LCE3D: variants seen among roughly 807,000 people sequenced by gnomAD.
LCE3D encodes the protein late cornified envelope protein 3D.
For synonymous variants in LCE3D, 46 were observed against 47.3 expected, an observed-to-expected ratio of 0.97 and a Z score of 0.11; for missense variants, 124 against 121.1, an observed-to-expected ratio of 1.02 and a Z score of -0.11.
chr1:152,579,747 G>C lies in LCE3D; in HGVS notation c.190C>G (p.Arg64Gly). ...LNHHRRHHRC[R>G]RQRPNSCDRG... ...TCACAGGAGTTGGGCCTCTGGCGCC[G>C]GCATCGGTGGTGGCGCCTGTGGTGG... The change falls in exon 2 of 2, where the codon CGG becomes GGG. Residue 64 changes from arginine (R) to glycine (G), a missense_variant. Transcript: ENST00000368787. 1 of 1,613,830 alleles carries C rather than the reference G, an allele frequency of 6.2e-7. No homozygotes were observed. Among genetic ancestry groups the C allele is most frequent in the Non-Finnish European group, 8.5e-7 (1 of 1,180,014 alleles).
At position 152,579,562 on chromosome 1, in the gene LCE3D, G is replaced by A; in HGVS notation, c.*96C>T. The stretch of plus-strand genomic sequence containing the variant: ...AGCTCAGCCTGTGAAAGCCAGAAGA[G>A]GGTATCTGGGAACTCATGCATCAAG... On this transcript the variant is annotated 3_prime_UTR_variant, in exon 2 of 2. Coordinates refer to ENST00000368787, the MANE Select transcript of LCE3D (RefSeq NM_032563.2). 3 of 1,566,352 alleles carry A rather than the reference G, an allele frequency of 1.9e-6. 1 individual carries two copies. In the South Asian group the frequency reaches 3.5e-5, roughly 18 times the overall value.
At position 152,579,670 on chromosome 1, in the gene LCE3D, T is replaced by A; in HGVS notation, c.267A>T (p.Gly89=). The A allele has an allele frequency of 6.2e-7, 1 of 1,613,770 alleles. No individual in the cohort carries two copies. The highest frequency in any genetic ancestry group is 8.5e-7 in the Non-Finnish European group (1 of 1,179,982). ...ATCAGGATCCAGGTCAGCAGCAGCC[T>A]CCAGAGCCATGGCCGCAGCCAGAGC... ...GGGSGCGHGS[G]GCC The change falls in exon 2 of 2, where the codon GGA becomes GGT. Residue 89 remains glycine (G), a synonymous_variant. Transcript: ENST00000368787.
Position 152,579,533 on chromosome 1 carries a change from C to T in LCE3D, c.*125G>A. ...GAGCTCAGACCTTCCACAGGAAAAC[C>T]CCTAGCTCAGCCTGTGAAAGCCAGA... On this transcript the variant is annotated 3_prime_UTR_variant, in exon 2 of 2. Coordinates refer to ENST00000368787, the MANE Select transcript of LCE3D (RefSeq NM_032563.2). 1 of 1,483,342 alleles carries T rather than the reference C, an allele frequency of 6.7e-7. No individual in the cohort carries two copies. The highest frequency in any genetic ancestry group is 9.1e-7 in the Non-Finnish European group (1 of 1,093,234). 91.9% of individuals were successfully genotyped at this position (1,483,342 alleles called of 1,614,324 possible).
chr1:152,580,316 C>A (rs1172478842), intron 1 of LCE3D, among the ~76,000 whole-genome samples, 153 bp downstream of exon 1: 3 of 152,028 alleles, frequency 2.0e-5, no homozygotes, highest in Admixed American at 1.3e-4. Flanking sequence ...CCTGCAGGGT[C>A]TCCCTCCTGG....
At chr1:152,579,999 C>A (rs1163807024) in intron 1 of LCE3D, 42 bp from the exon 2 acceptor site, 1 of 1,611,862 alleles carries the variant, frequency 6.2e-7, no homozygotes, top group Admixed American at 1.7e-5. Flanking sequence ...AATCTACAGT[C>A]CAATGTCTCT....
At chr1:152,580,095 C>T in intron 1 of LCE3D, 138 bp from the exon 2 acceptor site, 1 of 1,001,876 alleles carries the variant, frequency 1.0e-6, no homozygotes, top group Non-Finnish European at 1.5e-6. Context: ...ATGCCTCTCA[C>T]TTTGTTCTCC....
In LCE3D at chr1:152,580,216, T is replaced by A. The variant is rs1660195825; in HGVS notation, c.-22+253A>T. Among the ~76,000 whole-genome samples the A allele has an allele frequency of 2.0e-5, 3 of 151,960 alleles. No individual in the cohort carries two copies. The South Asian group carries it at 6.2e-4, about 31-fold the overall frequency. ...AAGGCATTCTGGAGAATGGAGATCA[T>A]AGGAAACATGTGCCAGCCTGAGTAG... On this transcript the variant is annotated intron_variant, in intron 1 of 1. Coordinates refer to ENST00000368787, the MANE Select transcript of LCE3D (RefSeq NM_032563.2).
chr1:152,580,225 T>C (rs1239152434), intron 1 of LCE3D, among the ~76,000 whole-genome samples: 1 of 151,966 alleles, frequency 6.6e-6, no homozygotes, highest in Non-Finnish European at 1.5e-5. Context: ...ATAGGAAACA[T>C]GTGCCAGCCT....
At chr1:152,580,261 C>G (rs1358526286) in intron 1 of LCE3D, among the ~76,000 whole-genome samples, 2 of 152,036 alleles carry the variant, frequency 1.3e-5, no homozygotes, top group Non-Finnish European at 2.9e-5. Context: ...GGGAAGGAAT[C>G]ATAAGCTTCT....
Position 152,579,956 on chromosome 1 carries a change from T to A in LCE3D, c.-20A>T, listed in dbSNP as rs774859009. The stretch of plus-strand genomic sequence containing the variant: ...GGACATCTTGGCAGGAGTTGAGTTG[T>A]CCTGGACAAAACAAAGCCATTTGTT... On this transcript the variant is annotated splice_region_variant and 5_prime_UTR_variant, in exon 2 of 2. Coordinates refer to ENST00000368787, the MANE Select transcript of LCE3D (RefSeq NM_032563.2). The A allele has an allele frequency of 2.5e-6, 4 of 1,613,844 alleles. No homozygotes were observed. The highest frequency in any genetic ancestry group is 2.5e-6 in the Non-Finnish European group (3 of 1,180,016).
At position 152,579,877 on chromosome 1, in the gene LCE3D, C is replaced by A. The variant is rs1291196089; in HGVS notation, c.60G>T (p.Lys20Asn). ...CQPPPKCPSP[K>N]CPPKSPVQCL... ...ACTGTACTGGGCTCTTTGGGGGACA[C>A]TTGGGTGAGGGACACTTGGGTGGGG... Residue 20 changes from lysine to asparagine, a missense_variant, in exon 2 of 2, where the codon AAG (lysine) becomes AAT (asparagine). Coordinates refer to ENST00000368787, the MANE Select transcript of LCE3D (RefSeq NM_032563.2). 2 of 1,613,840 alleles carry A rather than the reference C, an allele frequency of 1.2e-6. No homozygotes were observed. The highest frequency in any genetic ancestry group is 2.2e-5 in the South Asian group (2 of 91,060).
Position 152,579,769 on chromosome 1 carries a change from G to A in LCE3D, c.168C>T (p.His56=), listed in dbSNP as rs1253462178. 2 of 1,613,820 alleles carry A rather than the reference G, an allele frequency of 1.2e-6. No homozygotes were observed. The highest frequency in any genetic ancestry group is 3.3e-5 in the Admixed American group (2 of 59,718). ...PSSEGGCFLN[H]HRRHHRCRRQ... is the part of the protein sequence containing the mutation. Reference sequence around the variant, plus strand: ...GCCGGCATCGGTGGTGGCGCCTGTGGTGGTTCAGGAAGCAGCCGCCCTCGG... The same window carrying A: ...GCCGGCATCGGTGGTGGCGCCTGTGATGGTTCAGGAAGCAGCCGCCCTCGG... Residue 56 remains histidine, a synonymous_variant, in exon 2 of 2, where the codon CAC becomes CAT. Coordinates refer to ENST00000368787, the MANE Select transcript of LCE3D (RefSeq NM_032563.2).
chr1:152,579,890 C>A lies in LCE3D; in HGVS notation c.47G>T (p.Cys16Phe). 1.9e-6 allele frequency: 3 copies of A among 1,613,874 alleles called. No homozygotes were observed. The highest frequency in any genetic ancestry group is 2.5e-6 in the Non-Finnish European group (3 of 1,180,036). Residue 16 changes from cysteine to phenylalanine, a missense_variant, in exon 2 of 2, where the codon TGT becomes TTT. Cys to Phe is a radical substitution (Grantham distance 205). Coordinates refer to ENST00000368787, the MANE Select transcript of LCE3D (RefSeq NM_032563.2). ...NQQQCQPPPK[C>F]PSPKCPPKSP... ...CTTTGGGGGACACTTGGGTGAGGGA[C>A]ACTTGGGTGGGGGTTGGCACTGCTG...
intron 1 of LCE3D, 114 bp downstream of exon 1, chr1:152,580,355 G>A: frequency 4.5e-6 from 1 of 220,922 alleles, no homozygotes; most frequent in African/African-American, 2.3e-5. Flanking sequence ...TACCCTCTCT[G>A]CCATCCTCTC....
At position 152,579,731 on chromosome 1, in the gene LCE3D, T is replaced by A. The variant is rs753628202; in HGVS notation, c.206A>T (p.Asn69Ile). 3 of 1,613,516 alleles carry A rather than the reference T, an allele frequency of 1.9e-6. No homozygotes were observed. The highest frequency in any genetic ancestry group is 3.4e-5 in the Admixed American group (2 of 59,648). ...RHHRCRRQRP[N>I]SCDRGSGQQG... ...CTGACCACTGCCCCTGTCACAGGAGTTGGGCCTCTGGCGCCGGCATCGGTG... is the reference window on the plus strand; with the variant it reads ...CTGACCACTGCCCCTGTCACAGGAGATGGGCCTCTGGCGCCGGCATCGGTG... The change falls in exon 2 of 2, where the codon AAC becomes ATC. Residue 69 changes from asparagine to isoleucine, a missense_variant. Asn to Ile is a moderately radical substitution (Grantham distance 149, BLOSUM62 -3). Coordinates refer to ENST00000368787, the MANE Select transcript of LCE3D (RefSeq NM_032563.2).
rs1363668107 is a variant in LCE3D at position 152,579,855 on chromosome 1, G to T, written c.82C>A (p.Gln28Lys). ...CCAGAGGAAGCTGGAGGCAGACACT[G>T]TACTGGGCTCTTTGGGGGACACTTG... Reference protein sequence around the residue: ...SPKCPPKSPVQCLPPASSGCA... With the variant: ...SPKCPPKSPVKCLPPASSGCA... The change falls in exon 2 of 2, where the codon CAG (glutamine) becomes AAG (lysine). Residue 28 changes from glutamine (Q) to lysine (K), a missense_variant. Transcript: ENST00000368787. 1.2e-6 allele frequency: 2 copies of T among 1,613,940 alleles called. No homozygotes were observed. The highest frequency in any genetic ancestry group is 1.7e-6 in the Non-Finnish European group (2 of 1,180,044).
chr1:152,579,419 C>T lies in LCE3D; in HGVS notation c.*239G>A. 1 of 629,794 alleles carries T rather than the reference C, an allele frequency of 1.6e-6. No individual in the cohort carries two copies. The highest frequency in any genetic ancestry group is 2.0e-5 in the South Asian group (1 of 49,768). The allele number at this position is 629,794 out of a possible 1,614,324, so 39.0% of individuals were successfully genotyped here. A position where few individuals can be genotyped will look rare whatever the true frequency, so the allele number is the denominator to read the frequency against. ...AAGGAGCTTTATTTTTTGATGAGGT[C>T]AGGCACAAGCACTGCCAATCCTTCA... On this transcript the variant is annotated 3_prime_UTR_variant, in exon 2 of 2. Coordinates refer to ENST00000368787, the MANE Select transcript of LCE3D (RefSeq NM_032563.2).
rs752447864 is a variant in LCE3D at position 152,579,884 on chromosome 1, G to A, written c.53C>T (p.Ser18Leu). 1 of 1,613,920 alleles carries A rather than the reference G, an allele frequency of 6.2e-7. No homozygotes were observed. The highest frequency in any genetic ancestry group is 1.1e-5 in the South Asian group (1 of 91,070). Reference sequence around the variant, plus strand: ...TGGGCTCTTTGGGGGACACTTGGGTGAGGGACACTTGGGTGGGGGTTGGCA... The same window carrying A: ...TGGGCTCTTTGGGGGACACTTGGGTAAGGGACACTTGGGTGGGGGTTGGCA... ...QQCQPPPKCPSPKCPPKSPVQ... is the reference protein window; with the variant it reads ...QQCQPPPKCPLPKCPPKSPVQ... Residue 18 changes from serine to leucine, a missense_variant, in exon 2 of 2, where the codon TCA (serine) becomes TTA (leucine). Transcript: ENST00000368787.
In LCE3D at chr1:152,579,928, G is replaced by T. The variant is rs149834818; in HGVS notation, c.9C>A (p.Cys3Ter). 2.5e-6 allele frequency: 4 copies of T among 1,613,806 alleles called. No individual in the cohort carries two copies. The African/African-American group carries it at 4.0e-5, about 16-fold the overall frequency. The change falls in exon 2 of 2, where the codon TGC becomes TGA. Residue 3 changes from cysteine (C) to a stop codon, truncating the protein, a stop_gained. Coordinates refer to ENST00000368787, the MANE Select transcript of LCE3D (RefSeq NM_032563.2). LOFTEE classifies it low-confidence loss of function (END_TRUNC). Reference sequence around the variant, plus strand: ...GTTGGCACTGCTGCTGGTTCTGCTGGCAGGACATCTTGGCAGGAGTTGAGT... The same window carrying T: ...GTTGGCACTGCTGCTGGTTCTGCTGTCAGGACATCTTGGCAGGAGTTGAGT... The part of the protein sequence containing the change: MS[C>*]QQNQQQCQPP...
Sources: allele counts gnomAD v4.1 joint callset (sites outside exome capture counted in the v4.1 genomes callset), GRCh38; gene constraint gnomAD v4.1.1; transcripts MANE v1.5; gene names NCBI Gene and HGNC (gene_info 2026-07-23, HGNC 2026-07-21).